COL27A1: variants seen among roughly 807,000 people sequenced by gnomAD.
COL27A1 encodes the protein collagen alpha-1(XXVII) chain.
In COL27A1, 106 loss-of-function variants were observed where a neutral mutation model predicts 251.3. The ratio of observed to expected loss-of-function variants is 0.42; its 90% CI spans 0.36 to 0.50. The LOEUF is 0.50. COL27A1 is among the 20% of genes least tolerant of loss of function. The pLI, the probability that COL27A1 is intolerant of heterozygous loss-of-function variation, is 0.00. For synonymous variants in COL27A1, 1,000 were observed against 986.3 expected (o/e 1.01, Z -0.26); for missense variants, 2,325 against 2,522.8 (o/e 0.92, Z 1.68).
Position 114,183,071 on chromosome 9 carries a change from C to T in COL27A1, c.2012C>T (p.Ala671Val). 6.2e-7 allele frequency: 1 copy of T among 1,612,962 alleles called. No individual in the cohort carries two copies. Among genetic ancestry groups the T allele is most frequent in the Non-Finnish European group, 8.5e-7 (1 of 1,179,676 alleles). Residue 671 changes from alanine (A) to valine (V), a missense_variant, in exon 5 of 61, where the codon GCC becomes GTC. Ala to Val is a moderately conservative substitution (Grantham distance 64). Around this residue, in one of 4 missense-constraint regions of COL27A1, gnomAD observed 1,183 missense variants for 1,144.1 expected, o/e 1.03. Transcript: ENST00000356083. ...CCAGGTCTCCCCGGCCCTCCTGGAGCCAAAGTGAGTATTTGCTGGAGATGT... is the reference window on the plus strand; with the variant it reads ...CCAGGTCTCCCCGGCCCTCCTGGAGTCAAAGTGAGTATTTGCTGGAGATGT... ...GNPGLPGPPG[A>V]KGQKGDPGLS... is the part of the protein sequence containing the mutation.
Position 114,300,708 on chromosome 9 carries a change from C to T in COL27A1, c.4701+21C>T, listed in dbSNP as rs1285891249. 14 of 1,489,376 alleles carry T rather than the reference C, an allele frequency of 9.4e-6. No homozygotes were observed. In the Admixed American group the frequency reaches 9.8e-5, roughly 10 times the overall value. 92.3% of individuals were successfully genotyped at this position (1,489,376 alleles called of 1,614,324 possible). ...TGATGGTGAGTTCCCTCCCTGCTGT[C>T]GGAGCAGAGATGATTGTCCTAGGCC... On this transcript the variant is annotated intron_variant, in intron 51 of 60. Transcript: ENST00000356083.
chr9:114,289,852 C>T (rs1233853765), intron 45 of COL27A1, among the ~76,000 whole-genome samples: 1 of 152,174 alleles, frequency 6.6e-6, no homozygotes. Context: ...GAGGGGACAC[C>T]AAGGCCCAGA....
intron 1 of COL27A1, 43 bp from the exon 2 acceptor site, chr9:114,162,672 G>A: frequency 6.9e-7 from 1 of 1,445,532 alleles, no homozygotes. Flanking sequence ...GGTGTGAGGG[G>A]TGGAAGCTGA....
At chr9:114,275,454 T>A (rs1835434396) in intron 36 of COL27A1, among the ~76,000 whole-genome samples, 1 of 152,164 alleles carries the variant, frequency 6.6e-6, no homozygotes, top group Admixed American at 6.5e-5. Flanking sequence ...ACGTCTGGGA[T>A]GCATCCTTGT....
intron 56 of COL27A1, 44 bp from the exon 57 acceptor site, chr9:114,304,564 A>C: frequency 6.3e-7 from 1 of 1,599,046 alleles, no homozygotes; most frequent in East Asian, 2.2e-5. Flanking sequence ...GGTGTGGAGA[A>C]CCCTGGGGGG....
intron 4 of COL27A1, among the ~76,000 whole-genome samples, chr9:114,179,077 G>A (rs889719219): frequency 6.6e-6 from 1 of 152,190 alleles, no homozygotes; most frequent in Non-Finnish European, 1.5e-5. Flanking sequence ...TTCCCTTAGA[G>A]GGCTGAGACC....
At chr9:114,258,344 C>T (rs1834087596) in intron 27 of COL27A1, among the ~76,000 whole-genome samples, 197 bp from the exon 28 acceptor site, 2 of 152,196 alleles carry the variant, frequency 1.3e-5, no homozygotes, top group African/African-American at 4.8e-5. Flanking sequence ...GTGTTCGAGG[C>T]TGTGGCTCGC....
chr9:114,311,616 A>G lies in COL27A1; in HGVS notation c.*921A>G, dbSNP rs1031793979. ...CCTACCAGAAACCAGAAGTAGAGAG[A>G]TTTACCATATAACTTATGGACTTTG... On this transcript the variant is annotated 3_prime_UTR_variant, in exon 61 of 61. Coordinates refer to ENST00000356083, the MANE Select transcript of COL27A1 (RefSeq NM_032888.4). The G allele has an allele frequency of 1.3e-5, 2 of 151,770 alleles. No individual in the cohort carries two copies. Among genetic ancestry groups the G allele is most frequent in the African/African-American group, 2.4e-5 (1 of 41,344 alleles). The allele number at this position is 151,770 out of a possible 1,614,324, so 9.4% of individuals were successfully genotyped here.
At chr9:114,156,751 G>A (rs1336795053) in intron 1 of COL27A1, among the ~76,000 whole-genome samples, 2 of 152,160 alleles carry the variant, frequency 1.3e-5, no homozygotes, top group African/African-American at 2.4e-5. Context: ...GCGGCTGCGC[G>A]GAGCTGGGGC....
chr9:114,205,975 T>A (rs1829927620), intron 9 of COL27A1, among the ~76,000 whole-genome samples, 163 bp downstream of exon 9: 1 of 152,136 alleles, frequency 6.6e-6, no homozygotes, highest in African/African-American at 2.4e-5. Context: ...AGGAAGCCTG[T>A]CTTTGCAGGC....
chr9:114,229,161 G>A (rs1831744347), intron 14 of COL27A1, among the ~76,000 whole-genome samples: 1 of 152,236 alleles, frequency 6.6e-6, no homozygotes, highest in South Asian at 2.1e-4. Context: ...AGGCTCAGCT[G>A]GGAGGTTTTG....
At chr9:114,176,455 A>C (rs1351325188) in intron 3 of COL27A1, among the ~76,000 whole-genome samples, 1 of 151,028 alleles carries the variant, frequency 6.6e-6, no homozygotes, top group East Asian at 1.9e-4. Context: ...GCTAGGTGCT[A>C]TTATTAACCT....
chr9:114,282,373 C>T (rs757859284), intron 38 of COL27A1, 43 bp downstream of exon 38: 33 of 1,611,710 alleles, frequency 2.0e-5, no homozygotes, highest in Non-Finnish European at 2.6e-5. Flanking sequence ...GTCCCTCCCC[C>T]GCATCCCTTC....
chr9:114,193,356 A>G (rs987069807), intron 5 of COL27A1, among the ~76,000 whole-genome samples: 5 of 152,116 alleles, frequency 3.3e-5, no homozygotes, highest in African/African-American at 1.2e-4. Context: ...CCCGAGCCCC[A>G]TGCTCTCAGG....
At position 114,290,352 on chromosome 9, in the gene COL27A1, A is replaced by T; in HGVS notation, c.4368+21A>T. Reference sequence around the variant, plus strand: ...AGCAGGTGAGCGGGAATTGGCATTAACAGATGGTGGCTCCATTTGGGACCA... The same window carrying T: ...AGCAGGTGAGCGGGAATTGGCATTATCAGATGGTGGCTCCATTTGGGACCA... On this transcript the variant is annotated intron_variant, in intron 47 of 60. Transcript: ENST00000356083. This position sits in a 1 kb window ranked among gnomAD's most constrained non-coding sequence, Gnocchi z 4.6. 6.5e-7 allele frequency: 1 copy of T among 1,546,698 alleles called. No homozygotes were observed. Among genetic ancestry groups the T allele is most frequent in the Non-Finnish European group, 8.8e-7 (1 of 1,139,086 alleles).
Position 114,290,309 on chromosome 9 carries a change from G to A in COL27A1, c.4346G>A (p.Arg1449Lys). The A allele has an allele frequency of 6.3e-7, 1 of 1,582,480 alleles. No individual in the cohort carries two copies. The highest frequency in any genetic ancestry group is 8.6e-7 in the Non-Finnish European group (1 of 1,164,546). The change falls in exon 47 of 61, where the codon AGG (arginine) becomes AAG (lysine). Residue 1449 changes from arginine to lysine, a missense_variant. Around this residue, in one of 4 missense-constraint regions of COL27A1, gnomAD observed 153 missense variants for 140.7 expected, o/e 1.09. Coordinates refer to ENST00000356083, the MANE Select transcript of COL27A1 (RefSeq NM_032888.4). This position sits in a 1 kb window ranked among gnomAD's most constrained non-coding sequence, Gnocchi z 4.6. Reference sequence around the variant, plus strand: ...GCTGGACCAGATGGGCTTCCTGGCAGGGACGGGCAAGCAGGACAGCAGGTG... The same window carrying A: ...GCTGGACCAGATGGGCTTCCTGGCAAGGACGGGCAAGCAGGACAGCAGGTG... ...GIAGPDGLPG[R>K]DGQAGQQGEQ...
rs771761355 is a variant in COL27A1, at chr9:114,245,919, G to T, written c.2979+9G>T. On this transcript the variant is annotated intron_variant, in intron 24 of 60. Transcript: ENST00000356083. ...GGCCTGTGGGAGAGCAGGTTAGTTA[G>T]CAACGGTCTCTGAATGAGTGGCTCC... 1.2e-6 allele frequency: 2 copies of T among 1,612,676 alleles called. No homozygotes were observed. The highest frequency in any genetic ancestry group is 3.3e-5 in the Admixed American group (2 of 59,826).
chr9:114,155,351 T>C (rs1760007080), upstream of COL27A1, among the ~76,000 whole-genome samples: 1 of 151,982 alleles, frequency 6.6e-6, no homozygotes, highest in Admixed American at 6.5e-5. The surrounding 1 kb of genome is among the most constrained non-coding windows in gnomAD (Gnocchi z 5.5). Context: ...TTTCCCCATC[T>C]ATACAAGGAG....
At chr9:114,211,941 C>G (rs914678089) in intron 12 of COL27A1, among the ~76,000 whole-genome samples, 1 of 152,162 alleles carries the variant, frequency 6.6e-6, no homozygotes, top group Non-Finnish European at 1.5e-5. Flanking sequence ...GGCCTCCCAT[C>G]GCTGGTGGTT....
Sources: allele counts gnomAD v4.1 joint callset (sites outside exome capture counted in the v4.1 genomes callset), GRCh38; gene constraint gnomAD v4.1.1; regional missense constraint gnomAD v4.1.1; non-coding constraint Gnocchi (gnomAD v3.1); transcripts MANE v1.5; gene names NCBI Gene and HGNC (gene_info 2026-07-23, HGNC 2026-07-21).